Variants in KPNA3 observed in about 807,000 individuals in gnomAD.
KPNA3 encodes importin subunit alpha-4.
A neutral mutation model predicts 73.8 loss-of-function variants in KPNA3; 13 were observed. The ratio of observed to expected loss-of-function variants is 0.18; its 90% CI spans 0.11 to 0.28. The LOEUF is 0.28. KPNA3 is among the 10% of genes least tolerant of loss of function. KPNA3 has a pLI of 1.00. For synonymous variants in KPNA3, 186 were observed against 206.9 expected, an observed-to-expected ratio of 0.90 and a Z score of 0.87; for missense variants, 360 against 618.1, an observed-to-expected ratio of 0.58 and a Z score of 4.43.
At chr13:49,775,057 G>A in intron 1 of KPNA3, among the ~76,000 whole-genome samples, 1 of 151,006 alleles carries the variant, frequency 6.6e-6, no homozygotes, top group East Asian at 2.0e-4. Flanking sequence ...GGGAGGCTGA[G>A]GCAGGAGCAT....
intron 10 of KPNA3, among the ~76,000 whole-genome samples, chr13:49,712,076 C>T (rs2137536378): frequency 6.6e-6 from 1 of 152,246 alleles, no homozygotes; most frequent in South Asian, 2.1e-4. Context: ...AGTGAGGAGG[C>T]CTCCCTGCTG....
chr13:49,727,744 GT>G (rs1026014243), intron 6 of KPNA3, among the ~76,000 whole-genome samples: 7 of 152,068 alleles, frequency 4.6e-5, no homozygotes, highest in African/African-American at 1.2e-4. Context: ...ACTAAGAGGG[GT>G]AAGGGGTAAG....
intron 1 of KPNA3, among the ~76,000 whole-genome samples, chr13:49,776,208 G>A (rs769796756): frequency 2.3e-4 from 35 of 152,138 alleles, no homozygotes; most frequent in Admixed American, 1.3e-3. Context: ...GAGCTACCAC[G>A]CCAGGCTGTA....
chr13:49,775,263 G>A (rs1244176994), intron 1 of KPNA3, among the ~76,000 whole-genome samples: 3 of 150,926 alleles, frequency 2.0e-5, no homozygotes, highest in South Asian at 2.1e-4. Flanking sequence ...ATTACCAGGA[G>A]AGAAATATTT....
intron 2 of KPNA3, 65 bp from the exon 3 acceptor site, chr13:49,733,111 A>C: frequency 2.1e-6 from 2 of 936,696 alleles, no homozygotes; most frequent in Non-Finnish European, 3.4e-6. Flanking sequence ...AATCCATTAA[A>C]ACTACTTCAA....
intron 1 of KPNA3, among the ~76,000 whole-genome samples, chr13:49,776,576 C>T (rs1320814300): frequency 6.6e-6 from 1 of 152,056 alleles, no homozygotes; most frequent in African/African-American, 2.4e-5. Flanking sequence ...TCATCTTCCC[C>T]TTCCCTTTAA....
At chr13:49,752,492 T>C (rs1213402082) in intron 1 of KPNA3, among the ~76,000 whole-genome samples, 2 of 152,004 alleles carry the variant, frequency 1.3e-5, no homozygotes, top group African/African-American at 2.4e-5. Context: ...AAAAGACATA[T>C]ACACAAAAGT....
rs1954256236 is a variant in KPNA3 at position 49,711,110 on chromosome 13, A to AATTTCT, written c.772-89_772-88insAGAAAT. 9.2e-6 allele frequency: 12 copies of AATTTCT among 1,304,146 alleles called. No homozygotes were observed. The Admixed American group carries it at 3.5e-4, about 38-fold the overall frequency. The allele number at this position is 1,304,146 out of a possible 1,614,324, so 80.8% of individuals were successfully genotyped here. On this transcript the variant is annotated intron_variant, in intron 10 of 16. Coordinates refer to ENST00000261667, the MANE Select transcript of KPNA3 (RefSeq NM_002267.4). ...ACACCTCAGGAGTAGTGACAGAAAA[A>AATTTCT]GTAACCAAATTTCAAGTTTTAGCTT...
At chr13:49,738,982 C>G (rs989577108) in intron 2 of KPNA3, among the ~76,000 whole-genome samples, 1 of 152,170 alleles carries the variant, frequency 6.6e-6, no homozygotes, top group Admixed American at 6.5e-5. Flanking sequence ...TTGTGGTGCT[C>G]TTTACCAAGA....
At chr13:49,719,870 T>TA in intron 9 of KPNA3, 51 bp from the exon 10 acceptor site, 1 of 1,200,394 alleles carries the variant, frequency 8.3e-7, no homozygotes, top group South Asian at 1.3e-5. Flanking sequence ...AATATGTCTG[T>TA]AAAAATGAAC....
At chr13:49,750,902 G>T (rs1468795826) in intron 1 of KPNA3, among the ~76,000 whole-genome samples, 1 of 152,148 alleles carries the variant, frequency 6.6e-6, no homozygotes, top group Non-Finnish European at 1.5e-5. Flanking sequence ...TGAGGCACAA[G>T]AATTGCTTGA....
At chr13:49,736,715 C>T (rs560572948) in intron 2 of KPNA3, among the ~76,000 whole-genome samples, 205 of 152,216 alleles carry the variant, frequency 1.3e-3, no homozygotes, top group Admixed American at 3.6e-3. Flanking sequence ...TGTATTACAT[C>T]CCATACAATT....
At chr13:49,744,169 A>T (rs1000550495) in intron 2 of KPNA3, among the ~76,000 whole-genome samples, 2 of 152,198 alleles carry the variant, frequency 1.3e-5, no homozygotes. Flanking sequence ...ATCAAGCTGG[A>T]TACTTACGAC....
chr13:49,771,119 CAA>C (rs34079476), intron 1 of KPNA3, among the ~76,000 whole-genome samples: 61 of 120,730 alleles, frequency 5.1e-4, no homozygotes, highest in Admixed American at 1.4e-3. Flanking sequence ...GTTGATATTT[CAA>C]AAAAAAAAAA....
rs1268861755 is a variant in KPNA3, at chr13:49,773,898, T to C, written c.69+18540A>G. Among the ~76,000 whole-genome samples, 3 of 152,102 alleles carry C rather than the reference T, an allele frequency of 2.0e-5. No individual in the cohort carries two copies. The East Asian group carries it at 5.8e-4, about 29-fold the overall frequency. On this transcript the variant is annotated intron_variant, in intron 1 of 16. Transcript: ENST00000261667. ...ATATTCTGAAAGTCTATAGCACCAA[T>C]ACTATCCCATTCATAGTCATCTTTT...
At chr13:49,721,843 C>T (rs1206298535) in intron 9 of KPNA3, 112 bp downstream of exon 9, 5 of 703,600 alleles carry the variant, frequency 7.1e-6, no homozygotes, top group African/African-American at 1.8e-5. Context: ...AAACAAAAAA[C>T]TCACACCTGC....
At chr13:49,720,830 C>T (rs541264192) in intron 9 of KPNA3, among the ~76,000 whole-genome samples, 2 of 150,536 alleles carry the variant, frequency 1.3e-5, no homozygotes, top group East Asian at 3.9e-4. Context: ...ATTTACATAT[C>T]AAATGTAAAT....
At chr13:49,746,456 C>T (rs529463543) in intron 2 of KPNA3, among the ~76,000 whole-genome samples, 1 of 152,140 alleles carries the variant, frequency 6.6e-6, no homozygotes, top group Non-Finnish European at 1.5e-5. Context: ...CCAACCTGGA[C>T]AGAGTGAAAC....
intron 1 of KPNA3, among the ~76,000 whole-genome samples, chr13:49,765,549 C>G (rs1004471626): frequency 6.6e-6 from 1 of 152,116 alleles, no homozygotes; most frequent in Non-Finnish European, 1.5e-5. Context: ...ATTGCCCAAG[C>G]TGGTCTCAAA....
Sources: gnomAD v4.1 joint callset for allele counts (sites outside exome capture counted in the v4.1 genomes callset) on GRCh38, gnomAD v4.1.1 for gene constraint, MANE v1.5 for transcripts, NCBI Gene and HGNC (gene_info 2026-07-23, HGNC 2026-07-21) for gene names.